The following CD44 variants were observed in gnomAD, a reference collection of about 807,000 sequenced individuals.
CD44 encodes CD44 molecule (IN blood group).
In CD44, 49 loss-of-function variants were observed where a neutral mutation model predicts 88.8. The observed-to-expected ratio is 0.55, with a 90% CI of 0.44 to 0.70. The LOEUF (loss-of-function observed/expected upper bound fraction) is 0.70. Among genes scored for constraint, CD44 ranks in the 30% least tolerant of loss-of-function variants. The probability of loss-of-function intolerance (pLI) is 0.00; values close to 1 mark genes in which losing one functional copy is unlikely to be tolerated. For synonymous variants in CD44, 325 were observed against 312.3 expected (o/e 1.04, Z -0.43); for missense variants, 883 against 913.8 (o/e 0.97, Z 0.43).
chr11:35,157,090 C>T (rs527994470), intron 1 of CD44, among the ~76,000 whole-genome samples: 31 of 152,298 alleles, frequency 2.0e-4, no homozygotes, highest in East Asian at 1.9e-3. Context: ...TAACCTCTAT[C>T]GAGACAGTGA....
intron 1 of CD44, among the ~76,000 whole-genome samples, chr11:35,154,915 G>A (rs1488558001): frequency 6.6e-6 from 1 of 152,066 alleles, no homozygotes; most frequent in Non-Finnish European, 1.5e-5. Context: ...CAAGACTCAG[G>A]TTTATTTTTC....
At chr11:35,228,026 A>G (rs190034813) in intron 17 of CD44, among the ~76,000 whole-genome samples, 3 of 152,328 alleles carry the variant, frequency 2.0e-5, no homozygotes, top group Admixed American at 6.5e-5. Context: ...TCAGGAGGTA[A>G]TCTGCTTCCC....
chr11:35,194,588 C>A (rs1356906423), intron 5 of CD44, among the ~76,000 whole-genome samples: 1 of 152,144 alleles, frequency 6.6e-6, no homozygotes, highest in Admixed American at 6.5e-5. Flanking sequence ...GATGTCAGAC[C>A]TTTTAGTGTT....
chr11:35,220,763 C>CTTT (rs34175178), intron 16 of CD44, among the ~76,000 whole-genome samples: 9 of 105,190 alleles, frequency 8.6e-5, no homozygotes, highest in African/African-American at 1.2e-4. Flanking sequence ...TAATATACGT[C>CTTT]TTTTTTTTTT....
At chr11:35,159,472 C>T (rs1297615697) in intron 1 of CD44, among the ~76,000 whole-genome samples, 2 of 152,036 alleles carry the variant, frequency 1.3e-5, no homozygotes, top group African/African-American at 2.4e-5. Flanking sequence ...TTTCATGGTG[C>T]AAACACATCA....
intron 15 of CD44, among the ~76,000 whole-genome samples, chr11:35,216,851 T>C (rs1948870326): frequency 6.6e-6 from 1 of 152,224 alleles, no homozygotes; most frequent in Admixed American, 6.5e-5. Context: ...CCAGACCTAC[T>C]GAATCAGGAT....
At chr11:35,217,938 AT>A (rs763983034) in intron 15 of CD44, among the ~76,000 whole-genome samples, 1 of 152,080 alleles carries the variant, frequency 6.6e-6, no homozygotes, top group Non-Finnish European at 1.5e-5. Context: ...TTTTAAAAAA[AT>A]TGTTTATTTA....
In CD44 at chr11:35,217,119, T is replaced by C. The variant is rs1158120388; in HGVS notation, c.1874-2197T>C. 3.9e-5 allele frequency among the ~76,000 whole-genome samples: 6 copies of C among 152,074 alleles called. No homozygotes were observed. The South Asian group carries it at 6.2e-4, about 16-fold the overall frequency. ...GGCAAGACCTGCTATCTCACATCCA[T>C]CTTCTGTGGCTTTTGCTTGAAGTGA... On this transcript the variant is annotated intron_variant, in intron 15 of 17. Transcript: ENST00000428726.
intron 7 of CD44, 120 bp downstream of exon 7, chr11:35,198,366 A>C: frequency 1.2e-6 from 1 of 825,394 alleles, no homozygotes; most frequent in East Asian, 2.5e-5. Context: ...ACCTATGATC[A>C]TACCTTAGTT....
intron 15 of CD44, among the ~76,000 whole-genome samples, chr11:35,218,426 T>C (rs962417139): frequency 7.9e-5 from 12 of 152,152 alleles, no homozygotes; most frequent in Admixed American, 3.3e-4. Flanking sequence ...CTTCCTGGGT[T>C]CAAGCAATTC....
At chr11:35,143,320 T>A (rs1422640079) in intron 1 of CD44, among the ~76,000 whole-genome samples, 1 of 150,752 alleles carries the variant, frequency 6.6e-6, no homozygotes, top group East Asian at 1.9e-4. Context: ...TAAAGCAGGG[T>A]CCTAAGTCCT....
intron 13 of CD44, chr11:35,210,618 T>C (rs1948302785): frequency 6.6e-6 from 1 of 152,612 alleles, no homozygotes; most frequent in Admixed American, 6.5e-5. Context: ...TGCGCTGTGG[T>C]CCAATAGACT....
chr11:35,208,353 G>A, intron 12 of CD44, 147 bp downstream of exon 12: 1 of 624,072 alleles, frequency 1.6e-6, no homozygotes, highest in Non-Finnish European at 2.9e-6. Context: ...TTCATTGTCT[G>A]TATTTCTTGT....
chr11:35,204,377 G>A (rs1565127048), intron 9 of CD44, 135 bp from the exon 10 acceptor site: 1 of 713,600 alleles, frequency 1.4e-6, no homozygotes. Flanking sequence ...GAATATCAGT[G>A]GCCTGTTTCC....
chr11:35,220,443 G>T (rs1244504685), intron 16 of CD44, among the ~76,000 whole-genome samples: 5 of 152,184 alleles, frequency 3.3e-5, no homozygotes, highest in Admixed American at 6.5e-5. Flanking sequence ...CAAAGGTAGT[G>T]CTGAGCAGGA....
rs200125479 is a variant in CD44, at chr11:35,229,178, G to A, written c.2074G>A (p.Glu692Lys). The stretch of plus-strand genomic sequence containing the variant: ...GATCAACAGTGGCAATGGAGCTGTG[G>A]AGGACAGAAAGCCAAGTGGACTCAA... ...LVINSGNGAV[E>K]DRKPSGLNGE... The change falls in exon 18 of 18, where the codon GAG becomes AAG. Residue 692 changes from glutamate to lysine, a missense_variant. Transcript: ENST00000428726. 2.2e-5 allele frequency: 35 copies of A among 1,614,114 alleles called. No homozygotes were observed. The East Asian group carries it at 7.1e-4, about 33-fold the overall frequency.
At chr11:35,197,906 G>A (rs768757147) in intron 6 of CD44, 37 of 495,974 alleles carry the variant, frequency 7.5e-5, no homozygotes, top group Non-Finnish European at 1.1e-4. Flanking sequence ...TTCTTAAAGA[G>A]AATATTCAGT....
chr11:35,151,967 A>C (rs1860404807), intron 1 of CD44, among the ~76,000 whole-genome samples: 1 of 152,206 alleles, frequency 6.6e-6, no homozygotes, highest in African/African-American at 2.4e-5. Context: ...TCTTCCCATC[A>C]GTTTCTTCAA....
At chr11:35,225,138 G>A (rs895236054) in intron 17 of CD44, among the ~76,000 whole-genome samples, 1 of 122,984 alleles carries the variant, frequency 8.1e-6, no homozygotes, top group Non-Finnish European at 1.9e-5. Context: ...CTGAGGAAGT[G>A]AATTTTTAAT....
Sources: allele counts gnomAD v4.1 joint callset (sites outside exome capture counted in the v4.1 genomes callset), GRCh38; gene constraint gnomAD v4.1.1; transcripts MANE v1.5; gene names NCBI Gene and HGNC (gene_info 2026-07-23, HGNC 2026-07-21).